Variants in B3GALT1 observed in about 807,000 individuals in gnomAD.
B3GALT1 encodes the protein UDP-Gal:betaGlcNAc beta 1,3-galactosyltransferase, polypeptide 1.
B3GALT1 carries 10 observed loss-of-function variants against 23.2 expected under a neutral mutation model. The observed-to-expected ratio is 0.43, with a 90% CI of 0.27 to 0.73. B3GALT1 has a LOEUF of 0.73. Ranked by LOEUF, B3GALT1 falls within the 30% of genes least tolerant of loss-of-function variation. The pLI is 0.21. For synonymous variants in B3GALT1, 156 were observed against 141.5 expected, an observed-to-expected ratio of 1.10 and a Z score of -0.73; for missense variants, 299 against 405.4, an observed-to-expected ratio of 0.74 and a Z score of 2.25.
chr2:167,345,795 A>G (rs1245807978), intron 1 of B3GALT1, among the ~76,000 whole-genome samples: 2 of 152,306 alleles, frequency 1.3e-5, no homozygotes, highest in East Asian at 3.9e-4. Flanking sequence ...CTAGGACAAC[A>G]GAGGAAGAGG....
intron 1 of B3GALT1, among the ~76,000 whole-genome samples, chr2:167,326,712 C>T (rs943153848): frequency 6.6e-6 from 1 of 151,896 alleles, no homozygotes; most frequent in African/African-American, 2.4e-5. Flanking sequence ...ATTGTAGAGA[C>T]ACAGTTTCAC....
intron 4 of B3GALT1, among the ~76,000 whole-genome samples, chr2:167,822,222 C>T (rs1689121572): frequency 6.6e-6 from 1 of 152,148 alleles, no homozygotes; most frequent in Non-Finnish European, 1.5e-5. Flanking sequence ...TCCTGCATTA[C>T]CAAAATTTAA....
chr2:167,633,763 A>G (rs1177288012), intron 2 of B3GALT1, among the ~76,000 whole-genome samples: 2 of 152,146 alleles, frequency 1.3e-5, no homozygotes, highest in East Asian at 3.9e-4. Context: ...TTAATGCCCC[A>G]CTGTCAATAT....
intron 1 of B3GALT1, among the ~76,000 whole-genome samples, chr2:167,331,556 T>C (rs1451970017): frequency 4.6e-5 from 7 of 152,088 alleles, no homozygotes; most frequent in African/African-American, 1.7e-4. Context: ...GCTGTAATAG[T>C]TGTGGCAGGT....
chr2:167,702,634 C>A (rs1416178330), intron 3 of B3GALT1, among the ~76,000 whole-genome samples: 1 of 152,104 alleles, frequency 6.6e-6, no homozygotes, highest in Non-Finnish European at 1.5e-5. Flanking sequence ...AGCTAGAACC[C>A]TGGAAAGTGA....
chr2:167,376,768 T>A (rs1257905488), intron 1 of B3GALT1, among the ~76,000 whole-genome samples: 1 of 152,176 alleles, frequency 6.6e-6, no homozygotes, highest in Non-Finnish European at 1.5e-5. Flanking sequence ...TCTATCAATC[T>A]TGTTTATCCT....
At chr2:167,484,698 G>T (rs1253406078) in intron 1 of B3GALT1, among the ~76,000 whole-genome samples, 1 of 152,144 alleles carries the variant, frequency 6.6e-6, no homozygotes, top group Non-Finnish European at 1.5e-5. Flanking sequence ...GCTACCCTTA[G>T]AGGCAATAGG....
intron 2 of B3GALT1, among the ~76,000 whole-genome samples, chr2:167,601,552 C>G (rs182682559): frequency 1.3e-5 from 2 of 152,198 alleles, no homozygotes; most frequent in Non-Finnish European, 2.9e-5. Flanking sequence ...CACTGTTAGA[C>G]TTATGGTGTC....
chr2:167,775,325 C>T (rs1315337568), intron 3 of B3GALT1, among the ~76,000 whole-genome samples: 2 of 152,112 alleles, frequency 1.3e-5, no homozygotes, highest in Admixed American at 6.5e-5. Flanking sequence ...AATCCCAGCA[C>T]TTTGGGAGGC....
intron 2 of B3GALT1, among the ~76,000 whole-genome samples, chr2:167,645,175 C>A (rs1042111122): frequency 7.9e-5 from 12 of 152,138 alleles, no homozygotes; most frequent in African/African-American, 2.9e-4. Context: ...AGCCGTCCAC[C>A]ATTGCTCAGT....
At chr2:167,379,975 G>A (rs1697823191) in intron 1 of B3GALT1, among the ~76,000 whole-genome samples, 1 of 152,244 alleles carries the variant, frequency 6.6e-6, no homozygotes, top group Non-Finnish European at 1.5e-5. Flanking sequence ...TAGGAAGAGT[G>A]TGGTGGCTCA....
rs1347867931 is a variant in B3GALT1, at chr2:167,840,769, A to T, written c.-230+21976A>T. ...CTATTCACAATAGCAAAGACTTGGA[A>T]CCAACCCAAATGTCCAACAATGATA... On this transcript the variant is annotated intron_variant, in intron 4 of 4. Transcript: ENST00000392690. Among the ~76,000 whole-genome samples the T allele has an allele frequency of 9.4e-5, 14 of 149,400 alleles. No individual in the cohort carries two copies. In the East Asian group the frequency reaches 2.7e-3, roughly 29 times the overall value.
At chr2:167,442,758 G>A (rs929559512) in intron 1 of B3GALT1, among the ~76,000 whole-genome samples, 3 of 147,398 alleles carry the variant, frequency 2.0e-5, no homozygotes, top group African/African-American at 2.6e-5. Context: ...TGAGTTCATT[G>A]TAGATTCTGG....
intron 2 of B3GALT1, among the ~76,000 whole-genome samples, chr2:167,573,855 C>T (rs117689707): frequency 4.0e-5 from 6 of 151,658 alleles, no homozygotes; most frequent in Admixed American, 6.6e-5. Context: ...TGACAAGGTG[C>T]AATTCAAGAG....
chr2:167,360,716 G>A (rs1391310638), intron 1 of B3GALT1, among the ~76,000 whole-genome samples: 4 of 151,996 alleles, frequency 2.6e-5, no homozygotes, highest in Non-Finnish European at 5.9e-5. Context: ...TTTATGTTAG[G>A]AACATTATAG....
chr2:167,742,800 C>G (rs545504339), intron 3 of B3GALT1, among the ~76,000 whole-genome samples: 1 of 151,990 alleles, frequency 6.6e-6, no homozygotes, highest in African/African-American at 2.4e-5. Flanking sequence ...AATTGTTGCC[C>G]AACTTAAAGA....
chr2:167,362,866 A>AT (rs974953962), intron 1 of B3GALT1, among the ~76,000 whole-genome samples: 6 of 151,838 alleles, frequency 4.0e-5, no homozygotes, highest in Non-Finnish European at 8.8e-5. Context: ...TTTTATTTTT[A>AT]TTTTTTTGAG....
intron 1 of B3GALT1, among the ~76,000 whole-genome samples, chr2:167,345,826 T>C (rs1697216262): frequency 6.6e-6 from 1 of 152,162 alleles, no homozygotes; most frequent in Admixed American, 6.5e-5. Context: ...GGGAGTCTTA[T>C]AAATGGCTTC....
intron 1 of B3GALT1, among the ~76,000 whole-genome samples, chr2:167,386,985 A>G (rs1376245501): frequency 6.6e-6 from 1 of 150,462 alleles, no homozygotes; most frequent in Non-Finnish European, 1.5e-5. Context: ...TCTGTGGAAC[A>G]CAGATTTCAA....
Sources: allele counts gnomAD v4.1 joint callset (sites outside exome capture counted in the v4.1 genomes callset), GRCh38; gene constraint gnomAD v4.1.1; transcripts MANE v1.5; gene names NCBI Gene and HGNC (gene_info 2026-07-23, HGNC 2026-07-21).